The following PRCC variants were observed in gnomAD, a reference collection of about 807,000 sequenced individuals.
PRCC encodes the protein proline-rich protein PRCC.
PRCC carries 10 observed loss-of-function variants against 44.0 expected under a neutral mutation model. The ratio of observed to expected loss-of-function variants is 0.23; its 90% CI spans 0.14 to 0.39. PRCC has a LOEUF of 0.39. PRCC is among the 10% of genes least tolerant of loss of function. PRCC has a pLI of 1.00. For synonymous variants in PRCC, 278 were observed against 259.5 expected (o/e 1.07, Z -0.69); for missense variants, 573 against 624.7 (o/e 0.92, Z 0.88).
At chr1:156,768,348 C>T in intron 1 of PRCC, 109 bp downstream of exon 1, 1 of 1,164,886 alleles carries the variant, frequency 8.6e-7, no homozygotes, top group Non-Finnish European at 1.2e-6. Context: ...TCCGTGGATT[C>T]AAGGCCACTG....
intron 1 of PRCC, among the ~76,000 whole-genome samples, chr1:156,781,647 C>G (rs899625540): frequency 8.5e-5 from 13 of 152,342 alleles, no homozygotes; most frequent in South Asian, 2.1e-4. Context: ...ACACAGATGA[C>G]CTCCTGTCTT....
intron 2 of PRCC, among the ~76,000 whole-genome samples, chr1:156,783,100 C>G (rs761737556): frequency 5.3e-5 from 8 of 152,086 alleles, no homozygotes; most frequent in Non-Finnish European, 1.5e-5. Context: ...GATGGGGTTT[C>G]TCCATGTTGG....
At chr1:156,798,448 C>T (rs1469795484) in intron 6 of PRCC, among the ~76,000 whole-genome samples, 1 of 152,200 alleles carries the variant, frequency 6.6e-6, no homozygotes, top group Non-Finnish European at 1.5e-5. Context: ...GCTGCAGACC[C>T]CAGTCTACGG....
chr1:156,782,378 C>T (rs1220252457), intron 2 of PRCC, 49 bp downstream of exon 2: 11 of 1,502,736 alleles, frequency 7.3e-6, no homozygotes, highest in Non-Finnish European at 1.0e-5. Context: ...GTATTATTTC[C>T]TCAAAGACAG....
intron 1 of PRCC, among the ~76,000 whole-genome samples, chr1:156,775,597 G>A (rs1444449630): frequency 2.7e-5 from 4 of 150,282 alleles, no homozygotes; most frequent in African/African-American, 9.8e-5. Flanking sequence ...TGCAACCGCC[G>A]CCTCCCGGGT....
At chr1:156,787,676 A>G (rs1213009965) in intron 3 of PRCC, among the ~76,000 whole-genome samples, 2 of 4,066 alleles carry the variant, frequency 4.9e-4, no homozygotes, top group East Asian at 0.01. Context: ...TGGAGAAGGA[A>G]TCTCACTCTG....
At chr1:156,797,412 G>A in intron 6 of PRCC, 71 bp downstream of exon 6, 8 of 1,564,392 alleles carry the variant, frequency 5.1e-6, no homozygotes, top group Non-Finnish European at 7.0e-6. Flanking sequence ...GCTGAGATAC[G>A]AGTTAGAAGC....
intron 6 of PRCC, among the ~76,000 whole-genome samples, chr1:156,800,067 C>G (rs911922052): frequency 6.6e-6 from 1 of 152,134 alleles, no homozygotes; most frequent in Non-Finnish European, 1.5e-5. Flanking sequence ...CTTTTAGATG[C>G]TAAATTCTAG....
At chr1:156,786,348 G>T (rs1295303643) in intron 2 of PRCC, among the ~76,000 whole-genome samples, 2 of 152,138 alleles carry the variant, frequency 1.3e-5, no homozygotes, top group East Asian at 3.9e-4. Flanking sequence ...CTCTGTGGAA[G>T]AGGGCAGTGG....
chr1:156,783,948 T>TTA (rs1652141146), intron 2 of PRCC, among the ~76,000 whole-genome samples: 1 of 48,282 alleles, frequency 2.1e-5, no homozygotes, highest in South Asian at 6.7e-4. Flanking sequence ...ATTTATTTAA[T>TTA]TTTTTTTTTT....
chr1:156,769,740 C>A (rs1651558092), intron 1 of PRCC, among the ~76,000 whole-genome samples: 1 of 152,128 alleles, frequency 6.6e-6, no homozygotes, highest in Non-Finnish European at 1.5e-5. Context: ...GCTGGGACTA[C>A]AGGCGCCCGC....
chr1:156,784,113 A>AT (rs1480093547), intron 2 of PRCC, among the ~76,000 whole-genome samples: 1 of 151,740 alleles, frequency 6.6e-6, no homozygotes, highest in East Asian at 1.9e-4. Flanking sequence ...CACCCGGCTA[A>AT]TTTTTTTGTA....
intron 6 of PRCC, 57 bp downstream of exon 6, chr1:156,797,398 G>C: frequency 6.3e-7 from 1 of 1,598,900 alleles, no homozygotes; most frequent in Non-Finnish European, 8.6e-7. Context: ...CTGGGAATTT[G>C]AAGGCTGAGA....
At chr1:156,774,468 C>T (rs1416016300) in intron 1 of PRCC, among the ~76,000 whole-genome samples, 2 of 151,212 alleles carry the variant, frequency 1.3e-5, no homozygotes, top group African/African-American at 4.9e-5. Flanking sequence ...CCACTGTGCC[C>T]AGCCCTTTTT....
At chr1:156,775,853 C>G (rs1441213981) in intron 1 of PRCC, among the ~76,000 whole-genome samples, 1 of 152,080 alleles carries the variant, frequency 6.6e-6, no homozygotes, top group East Asian at 1.9e-4. Flanking sequence ...TCTACAGTGC[C>G]CAGACTTGTC....
intron 1 of PRCC, among the ~76,000 whole-genome samples, chr1:156,775,399 G>A (rs1308656056): frequency 6.6e-6 from 1 of 150,984 alleles, no homozygotes; most frequent in Non-Finnish European, 1.5e-5. Context: ...TGCCCAGCCT[G>A]GAGTGTAGTG....
At chr1:156,798,880 A>C (rs1652753248) in intron 6 of PRCC, among the ~76,000 whole-genome samples, 1 of 152,030 alleles carries the variant, frequency 6.6e-6, no homozygotes, top group African/African-American at 2.4e-5. Flanking sequence ...ATTGTACGCA[A>C]TGAAAAACAC....
At position 156,767,684 on chromosome 1, in the gene PRCC, G is replaced by C. The variant is rs769225765; in HGVS notation, c.-88G>C. The C allele has an allele frequency of 1.3e-5, 18 of 1,348,850 alleles. No individual in the cohort carries two copies. Among genetic ancestry groups the C allele is most frequent in the African/African-American group, 8.9e-5 (6 of 67,646 alleles). The allele number at this position is 1,348,850 out of a possible 1,614,324, so 83.6% of individuals were successfully genotyped here. ...GACTTTTCGGTTCCCCGCCCCGCCA[G>C]GTGGCGGGGCCTACTAGGCCTCCGG... On this transcript the variant is annotated 5_prime_UTR_variant, in exon 1 of 7. Coordinates refer to ENST00000271526, the MANE Select transcript of PRCC (RefSeq NM_005973.5).
intron 4 of PRCC, 67 bp downstream of exon 4, chr1:156,791,859 A>G: frequency 6.9e-7 from 1 of 1,443,902 alleles, no homozygotes; most frequent in Non-Finnish European, 9.6e-7. Context: ...CTGAAGCCAA[A>G]GGAAATTAAA....
Sources: allele counts gnomAD v4.1 joint callset (sites outside exome capture counted in the v4.1 genomes callset), GRCh38; gene constraint gnomAD v4.1.1; transcripts MANE v1.5; gene names NCBI Gene and HGNC (gene_info 2026-07-23, HGNC 2026-07-21).